CIBAR2: variants seen among roughly 807,000 people sequenced by gnomAD.
The protein encoded by CIBAR2 is CBY1-interacting BAR domain-containing protein 2.
In CIBAR2, 38 loss-of-function variants were observed where a neutral mutation model predicts 36.2. The observed-to-expected ratio is 1.05, with a 90% CI of 0.81 to 1.38. CIBAR2 has a LOEUF of 1.38. Among genes scored for constraint, CIBAR2 ranks in the 40% most tolerant of loss-of-function variants. The pLI is 0.00. For missense variants in CIBAR2, 481 were observed against 383.4 expected, an observed-to-expected ratio of 1.25 and a Z score of -2.13; for synonymous variants, 182 against 149.5, an observed-to-expected ratio of 1.22 and a Z score of -1.58.
intron 1 of CIBAR2, among the ~76,000 whole-genome samples, chr16:85,111,977 C>A (rs1376804539): frequency 6.6e-6 from 1 of 152,136 alleles, no homozygotes; most frequent in African/African-American, 2.4e-5. Context: ...TGGCATGGGC[C>A]GGGGCAGTGT....
chr16:85,111,923 G>A (rs1233483797), intron 1 of CIBAR2, among the ~76,000 whole-genome samples: 4 of 152,222 alleles, frequency 2.6e-5, no homozygotes, highest in South Asian at 2.1e-4. Flanking sequence ...GGAACCAGGC[G>A]TGGAAATGAA....
intron 8 of CIBAR2, among the ~76,000 whole-genome samples, chr16:85,099,727 G>A (rs1324202001): frequency 6.7e-6 from 1 of 149,902 alleles, no homozygotes; most frequent in Non-Finnish European, 1.5e-5. Flanking sequence ...GGGCTCAAGC[G>A]ATTCTCCTGC....
At position 85,098,613 on chromosome 16, in the gene CIBAR2, C is replaced by G. The variant is rs1392748520; in HGVS notation, c.*572G>C. Reference sequence around the variant, plus strand: ...GTGCCCTGAGGTCCTCCACGGGGGCCTCCTCCATGGAGTTGTCCTCACTCT... The same window carrying G: ...GTGCCCTGAGGTCCTCCACGGGGGCGTCCTCCATGGAGTTGTCCTCACTCT... On this transcript the variant is annotated 3_prime_UTR_variant, in exon 9 of 9. Coordinates refer to ENST00000539556, the MANE Select transcript of CIBAR2 (RefSeq NM_198491.3). 11 of 985,686 alleles carry G rather than the reference C, an allele frequency of 1.1e-5. No homozygotes were observed. The highest frequency in any genetic ancestry group is 5.2e-4 in the Middle Eastern group (1 of 1,916). 61.1% of individuals were successfully genotyped at this position (985,686 alleles called of 1,614,324 possible).
intron 8 of CIBAR2, 140 bp from the exon 9 acceptor site, chr16:85,099,486 T>G (rs978544027): frequency 4.8e-6 from 3 of 627,002 alleles, no homozygotes; most frequent in Non-Finnish European, 8.5e-6. Flanking sequence ...GGGATGGAGG[T>G]GTGGACCTGA....
Position 85,098,854 on chromosome 16 carries a change from C to CTAG in CIBAR2, c.*330_*331insCTA, listed in dbSNP as rs762201484. The CTAG allele has an allele frequency of 8.5e-4, 192 of 225,140 alleles. No homozygotes were observed. The highest frequency in any genetic ancestry group is 1.3e-3 in the Non-Finnish European group (167 of 124,160). 13.9% of individuals were successfully genotyped at this position (225,140 alleles called of 1,614,324 possible). A position where few individuals can be genotyped will look rare whatever the true frequency, so the allele number is the denominator to read the frequency against. ...TTACTGTTCTAAGCCACTCTGCAGG[C>CTAG]GAGGACTCTAAGGCACAGAGAGGCT... On this transcript the variant is annotated 3_prime_UTR_variant, in exon 9 of 9. Transcript: ENST00000539556.
Position 85,099,171 on chromosome 16 carries a change from C to G in CIBAR2, c.*14G>C, listed in dbSNP as rs781201872. 2.6e-6 allele frequency: 4 copies of G among 1,533,984 alleles called. No homozygotes were observed. The highest frequency in any genetic ancestry group is 2.5e-5 in the South Asian group (2 of 78,508). ...TTATTTTAAACGGCTTGGGATTGCA[C>G]TTACCCTACGTCGTTAGAGAGAATG... On this transcript the variant is annotated 3_prime_UTR_variant, in exon 9 of 9. Transcript: ENST00000539556.
intron 5 of CIBAR2, 38 bp from the exon 6 acceptor site, chr16:85,105,469 G>T: frequency 6.7e-7 from 1 of 1,482,836 alleles, no homozygotes; most frequent in Non-Finnish European, 9.4e-7. Context: ...AGTGTCATGG[G>T]GGTGCTTCTG....
rs767873697 is a variant in CIBAR2 at position 85,110,287 on chromosome 16, C to T, written c.194G>A (p.Arg65Gln). Reference sequence around the variant, plus strand: ...CTCAGCGAAGCCCCTCATGGTGGCCCGCAGCTCGGGGTTCTCGGAGTTGGC... The same window carrying T: ...CTCAGCGAAGCCCCTCATGGTGGCCTGCAGCTCGGGGTTCTCGGAGTTGGC... ...DFANSENPEL[R>Q]ATMRGFAEDL... Residue 65 changes from arginine (R) to glutamine (Q), a missense_variant, in exon 2 of 9, where the codon CGG becomes CAG. By Grantham distance (43) the Arg-to-Gln change is conservative. Transcript: ENST00000539556. The T allele has an allele frequency of 1.2e-5, 20 of 1,609,440 alleles. No individual in the cohort carries two copies. Among genetic ancestry groups the T allele is most frequent in the African/African-American group, 6.7e-5 (5 of 74,914 alleles).
At chr16:85,101,260 G>C (rs938139947) in intron 7 of CIBAR2, among the ~76,000 whole-genome samples, 1 of 152,134 alleles carries the variant, frequency 6.6e-6, no homozygotes, top group South Asian at 2.1e-4. Flanking sequence ...CTGCTGTCGT[G>C]GAGATCTTAG....
At chr16:85,100,397 A>G (rs1244024600) in intron 7 of CIBAR2, among the ~76,000 whole-genome samples, 157 bp from the exon 8 acceptor site, 1 of 152,044 alleles carries the variant, frequency 6.6e-6, no homozygotes, top group Non-Finnish European at 1.5e-5. Context: ...TTCTTATTTC[A>G]CATAATCTAC....
rs151242681 is a variant in CIBAR2, at chr16:85,108,099, C to A, written c.256G>T (p.Val86Phe). 5.6e-6 allele frequency: 9 copies of A among 1,608,902 alleles called. No individual in the cohort carries two copies. The African/African-American group carries it at 1.1e-4, about 19-fold the overall frequency. Residue 86 changes from valine (V) to phenylalanine (F), a missense_variant and splice_region_variant, in exon 3 of 9, where the codon GTC becomes TTC. Coordinates refer to ENST00000539556, the MANE Select transcript of CIBAR2 (RefSeq NM_198491.3). ...AKVQDYRQAQ[V>F]ERLETKVVNP... Reference sequence around the variant, plus strand: ...ACCACCTTGGTCTCCAGCCTCTCGACCTGGGGGAGCGGGGACACCAGGGGA... The same window carrying A: ...ACCACCTTGGTCTCCAGCCTCTCGAACTGGGGGAGCGGGGACACCAGGGGA...
At chr16:85,109,889 G>A (rs756815054) in intron 2 of CIBAR2, among the ~76,000 whole-genome samples, 1 of 152,074 alleles carries the variant, frequency 6.6e-6, no homozygotes, top group Non-Finnish European at 1.5e-5. Flanking sequence ...CAGCCTCCTT[G>A]CCCCTGACTC....
chr16:85,098,621 T>C lies in CIBAR2; in HGVS notation c.*564A>G, dbSNP rs998860560. The C allele has an allele frequency of 9.1e-6, 9 of 985,892 alleles. No homozygotes were observed. The South Asian group carries it at 1.4e-4, about 15-fold the overall frequency. 61.1% of individuals were successfully genotyped at this position (985,892 alleles called of 1,614,324 possible). A position where few individuals can be genotyped will look rare whatever the true frequency, so the allele number is the denominator to read the frequency against. ...AGGTCCTCCACGGGGGCCTCCTCCA[T>C]GGAGTTGTCCTCACTCTCCTCCCCT... On this transcript the variant is annotated 3_prime_UTR_variant, in exon 9 of 9. Coordinates refer to ENST00000539556, the MANE Select transcript of CIBAR2 (RefSeq NM_198491.3).
intron 1 of CIBAR2, among the ~76,000 whole-genome samples, chr16:85,111,053 G>T (rs902336321): frequency 3.9e-5 from 6 of 152,050 alleles, no homozygotes; most frequent in Non-Finnish European, 8.8e-5. Flanking sequence ...TGCAGCAGGT[G>T]CGCGATGACT....
chr16:85,111,216 C>G (rs1452430671), intron 1 of CIBAR2, among the ~76,000 whole-genome samples: 2 of 152,160 alleles, frequency 1.3e-5, no homozygotes, highest in Non-Finnish European at 2.9e-5. Context: ...TCATCAAATC[C>G]CTGACTCGAG....
At chr16:85,103,185 T>A (rs2073969073) in intron 6 of CIBAR2, among the ~76,000 whole-genome samples, 1 of 152,092 alleles carries the variant, frequency 6.6e-6, no homozygotes. Flanking sequence ...TTAGTGCCCT[T>A]GTAAAAAAGA....
chr16:85,111,087 C>T (rs8060060), intron 1 of CIBAR2, among the ~76,000 whole-genome samples: 1 of 151,764 alleles, frequency 6.6e-6, no homozygotes, highest in Non-Finnish European at 1.5e-5. Flanking sequence ...CAGGCTTCTA[C>T]GACAGCCAGG....
chr16:85,110,249 C>T lies in CIBAR2; in HGVS notation c.232G>A (p.Val78Met), dbSNP rs1297177315. Reference protein sequence around the residue: ...MRGFAEDLAKVQDYRQAQVER... With the variant: ...MRGFAEDLAKMQDYRQAQVER... ...ACCTGGGCCTGCCGGTAATCCTGCACTTTGGCCAGGTCCTCAGCGAAGCCC... is the reference window on the plus strand; with the variant it reads ...ACCTGGGCCTGCCGGTAATCCTGCATTTTGGCCAGGTCCTCAGCGAAGCCC... Residue 78 changes from valine to methionine, a missense_variant, in exon 2 of 9, where the codon GTG (valine) becomes ATG (methionine). Physicochemically the swap from Val to Met is conservative, Grantham distance 21. Coordinates refer to ENST00000539556, the MANE Select transcript of CIBAR2 (RefSeq NM_198491.3). 2 of 1,582,132 alleles carry T rather than the reference C, an allele frequency of 1.3e-6. No homozygotes were observed. Among genetic ancestry groups the T allele is most frequent in the African/African-American group, 1.3e-5 (1 of 74,124 alleles).
chr16:85,104,533 C>T (rs1676728507), intron 6 of CIBAR2, among the ~76,000 whole-genome samples: 2 of 152,016 alleles, frequency 1.3e-5, no homozygotes, highest in Admixed American at 1.3e-4. Flanking sequence ...CATGGTGAGA[C>T]CACCTCCCCC....
Sources: allele counts gnomAD v4.1 joint callset (sites outside exome capture counted in the v4.1 genomes callset), GRCh38; gene constraint gnomAD v4.1.1; transcripts MANE v1.5; gene names NCBI Gene and HGNC (gene_info 2026-07-23, HGNC 2026-07-21).